ITGB5: variants seen among roughly 807,000 people sequenced by gnomAD.
ITGB5 encodes integrin beta-5.
In ITGB5, 38 loss-of-function variants were observed where a neutral mutation model predicts 84.8. The ratio of observed to expected loss-of-function variants is 0.45; its 90% CI spans 0.35 to 0.59. ITGB5 has a LOEUF of 0.59. Among genes scored for constraint, ITGB5 ranks in the 20% least tolerant of loss-of-function variants. The pLI is 0.01. For missense variants in ITGB5, 905 were observed against 1,034.5 expected, an observed-to-expected ratio of 0.87 and a Z score of 1.72; for synonymous variants, 393 against 414.4, an observed-to-expected ratio of 0.95 and a Z score of 0.63.
intron 3 of ITGB5, among the ~76,000 whole-genome samples, chr3:124,859,024 A>G (rs2065258402): frequency 6.6e-6 from 1 of 152,214 alleles, no homozygotes; most frequent in Non-Finnish European, 1.5e-5. Context: ...AATTGTTTAA[A>G]AATAGCAAAG....
intron 12 of ITGB5, among the ~76,000 whole-genome samples, 196 bp from the exon 13 acceptor site, chr3:124,766,541 T>C (rs2063771254): frequency 6.6e-6 from 1 of 152,140 alleles, no homozygotes; most frequent in African/African-American, 2.4e-5. Flanking sequence ...GGGCTGAATT[T>C]AGATGGCTTT....
chr3:124,840,433 G>GT (rs72077875), intron 5 of ITGB5, among the ~76,000 whole-genome samples: 25,406 of 148,372 alleles, frequency 0.17, 2,166 homozygotes, highest in South Asian at 0.23. Context: ...ATTTAAGAGT[G>GT]TTTTTTTTTT....
chr3:124,843,234 T>C lies in ITGB5; in HGVS notation c.612-1683A>G, dbSNP rs749554677. Among the ~76,000 whole-genome samples the C allele has an allele frequency of 3.3e-5, 5 of 152,194 alleles. No homozygotes were observed. The South Asian group carries it at 8.3e-4, about 25-fold the overall frequency. The stretch of plus-strand genomic sequence containing the variant: ...GAACTGAGGTCCCATCTGTAGCTAT[T>C]TGGCAAGTGGATCATAGGCCCAGAA... On this transcript the variant is annotated intron_variant, in intron 4 of 14. Transcript: ENST00000296181.
chr3:124,886,730 A>G (rs1460355979), intron 1 of ITGB5, among the ~76,000 whole-genome samples: 1 of 151,618 alleles, frequency 6.6e-6, no homozygotes, highest in African/African-American at 2.4e-5. Flanking sequence ...GGGAGGGAAC[A>G]GGAGACTCAC....
At chr3:124,778,347 G>A (rs939273369) in intron 10 of ITGB5, among the ~76,000 whole-genome samples, 2 of 152,214 alleles carry the variant, frequency 1.3e-5, no homozygotes, top group African/African-American at 4.8e-5. Context: ...CAGCAAAAGT[G>A]CTTGTGTGGG....
chr3:124,886,693 A>G (rs1445806301), intron 1 of ITGB5, among the ~76,000 whole-genome samples: 1 of 151,688 alleles, frequency 6.6e-6, no homozygotes, highest in South Asian at 2.1e-4. Flanking sequence ...GCCTGTTTAC[A>G]CAGGAAGGGA....
chr3:124,800,271 C>A (rs2064296374), intron 9 of ITGB5, among the ~76,000 whole-genome samples: 1 of 152,132 alleles, frequency 6.6e-6, no homozygotes, highest in South Asian at 2.1e-4. Context: ...GACCAAGAGC[C>A]AAAGGCATTT....
intron 2 of ITGB5, among the ~76,000 whole-genome samples, chr3:124,872,182 T>C (rs937729344): frequency 4.6e-5 from 7 of 152,208 alleles, no homozygotes; most frequent in South Asian, 2.1e-4. Flanking sequence ...TCAAAGTAAA[T>C]TGAGAACTCC....
chr3:124,821,382 G>T lies in ITGB5; in HGVS notation c.873C>A (p.Gly291=). ...ACTGGCCATCGTGTGGCTGCACCAG[G>T]CCTCCCAATTTTCCATCCAATGCGA... ...PHIALDGKLG[G]LVQPHDGQCH... is the part of the protein sequence containing the mutation. Residue 291 remains glycine (G), a synonymous_variant, in exon 6 of 15, where the codon GGC becomes GGA. Transcript: ENST00000296181. 1 of 1,614,216 alleles carries T rather than the reference G, an allele frequency of 6.2e-7. No individual in the cohort carries two copies. Among genetic ancestry groups the T allele is most frequent in the Non-Finnish European group, 8.5e-7 (1 of 1,180,030 alleles).
Position 124,867,766 on chromosome 3 carries a change from T to C in ITGB5, c.156+5680A>G, listed in dbSNP as rs184963873. 2.6e-5 allele frequency among the ~76,000 whole-genome samples: 4 copies of C among 152,324 alleles called. No homozygotes were observed. The East Asian group carries it at 7.7e-4, about 29-fold the overall frequency. ...CTCCAGGCACATTCCTCATGACAACTGGCTAGGTTGTAAAATTTACAATGT... is the reference window on the plus strand; with the variant it reads ...CTCCAGGCACATTCCTCATGACAACCGGCTAGGTTGTAAAATTTACAATGT... On this transcript the variant is annotated intron_variant, in intron 2 of 14. Transcript: ENST00000296181.
At chr3:124,768,975 A>G (rs1361010107) in intron 12 of ITGB5, 38 bp downstream of exon 12, 1 of 1,543,000 alleles carries the variant, frequency 6.5e-7, no homozygotes, top group African/African-American at 1.4e-5. Flanking sequence ...CAGGAAGGAG[A>G]AAAACCGTGA....
chr3:124,816,133 T>C (rs891980545), intron 8 of ITGB5, among the ~76,000 whole-genome samples: 1 of 151,366 alleles, frequency 6.6e-6, no homozygotes, highest in Non-Finnish European at 1.5e-5. Flanking sequence ...AGAAAGGGGG[T>C]AAAAACAAGC....
chr3:124,883,716 G>T (rs959925988), intron 1 of ITGB5, among the ~76,000 whole-genome samples: 4 of 152,230 alleles, frequency 2.6e-5, no homozygotes, highest in Non-Finnish European at 5.9e-5. Context: ...AAATGAATGT[G>T]ATAGCACACA....
intron 1 of ITGB5, among the ~76,000 whole-genome samples, chr3:124,877,461 T>C (rs184864827): frequency 3.2e-4 from 49 of 152,178 alleles, no homozygotes; most frequent in African/African-American, 1.1e-3. Flanking sequence ...TCCTCAACCT[T>C]ATCAAATACA....
intron 7 of ITGB5, among the ~76,000 whole-genome samples, chr3:124,818,640 G>A (rs976766439): frequency 1.0e-4 from 15 of 150,526 alleles, no homozygotes; most frequent in East Asian, 3.9e-4. Context: ...CAGCCTCCCC[G>A]GTAGCTGGGA....
Position 124,769,095 on chromosome 3 carries a change from C to G in ITGB5, c.1935G>C (p.Leu645=). Residue 645 remains leucine, a synonymous_variant, in exon 12 of 15, where the codon CTG becomes CTC. Coordinates refer to ENST00000296181, the MANE Select transcript of ITGB5 (RefSeq NM_002213.5). ...CSTKRDCVEC[L]LLHSGKPDNQ... is the part of the protein sequence containing the mutation. ...TGTCAGGTTTCCCAGAGTGGAGCAG[C>G]AGGCACTCGACGCAATCTCTTTGGA... The G allele has an allele frequency of 6.2e-7, 1 of 1,614,014 alleles. No individual in the cohort carries two copies.
chr3:124,898,850 C>T (rs1316081661), intron 1 of ITGB5, among the ~76,000 whole-genome samples: 3 of 149,276 alleles, frequency 2.0e-5, no homozygotes, highest in South Asian at 2.1e-4. Flanking sequence ...CCGAGGCAGG[C>T]GGATCACCTG....
intron 3 of ITGB5, among the ~76,000 whole-genome samples, chr3:124,858,738 C>T (rs998184190): frequency 6.6e-6 from 1 of 152,104 alleles, no homozygotes; most frequent in Admixed American, 6.5e-5. Flanking sequence ...CCCTGAATGA[C>T]TGTAATTTCT....
intron 1 of ITGB5, among the ~76,000 whole-genome samples, chr3:124,882,032 C>T (rs924973830): frequency 2.0e-5 from 3 of 152,120 alleles, no homozygotes; most frequent in Admixed American, 1.3e-4. Context: ...CCTAACAAGC[C>T]GCATGCATAG....
Sources: gnomAD v4.1 joint callset for allele counts (sites outside exome capture counted in the v4.1 genomes callset) on GRCh38, gnomAD v4.1.1 for gene constraint, MANE v1.5 for transcripts, NCBI Gene and HGNC (gene_info 2026-07-23, HGNC 2026-07-21) for gene names.